TIPRL: variants seen among roughly 807,000 people sequenced by gnomAD.
TIPRL encodes the protein TIP41-like protein.
In TIPRL, 10 loss-of-function variants were observed where a neutral mutation model predicts 32.3. That is an observed-to-expected ratio of 0.31 (90% CI 0.19 to 0.52). The LOEUF (loss-of-function observed/expected upper bound fraction) is 0.52. TIPRL is among the 20% of genes least tolerant of loss of function. The pLI is 0.96. For missense variants in TIPRL, 250 were observed against 328.1 expected (o/e 0.76, Z 1.84); for synonymous variants, 100 against 114.0 (o/e 0.88, Z 0.78).
chr1:168,197,644 C>T (rs1456541816), intron 5 of TIPRL, among the ~76,000 whole-genome samples: 1 of 152,048 alleles, frequency 6.6e-6, no homozygotes, highest in African/African-American at 2.4e-5. Context: ...CTCAGCCTCC[C>T]TAGTAGCTGG....
intron 3 of TIPRL, among the ~76,000 whole-genome samples, chr1:168,187,209 C>T (rs1700038185): frequency 1.3e-5 from 2 of 152,192 alleles, no homozygotes; most frequent in African/African-American, 4.8e-5. Flanking sequence ...GTTCTCCTCC[C>T]TCCTCTCTTC....
At chr1:168,197,560 C>G (rs1383785167) in intron 5 of TIPRL, among the ~76,000 whole-genome samples, 1 of 152,016 alleles carries the variant, frequency 6.6e-6, no homozygotes, top group Non-Finnish European at 1.5e-5. Flanking sequence ...TGCTCTGTTG[C>G]CCAGGCTGGA....
chr1:168,199,051 C>A, intron 6 of TIPRL, 70 bp downstream of exon 6: 1 of 1,229,742 alleles, frequency 8.1e-7, no homozygotes, highest in Non-Finnish European at 1.2e-6. Context: ...AGCATATACC[C>A]CTGACCCCAA....
rs749962048 is a variant in TIPRL, at chr1:168,199,946, A to G, written c.719A>G (p.Gln240Arg). The G allele has an allele frequency of 1.2e-6, 2 of 1,613,570 alleles. No individual in the cohort carries two copies. The highest frequency in any genetic ancestry group is 1.1e-5 in the South Asian group (1 of 91,060). ...SLFTEPNEIS[Q>R]YLPIKEAVCE... The stretch of plus-strand genomic sequence containing the variant: ...TTCACGGAACCTAATGAAATATCCC[A>G]GTATTTACCAATAAAGGAAGCAGTT... The change falls in exon 7 of 7, where the codon CAG (glutamine) becomes CGG (arginine). Residue 240 changes from glutamine (Q) to arginine (R), a missense_variant. Coordinates refer to ENST00000367833, the MANE Select transcript of TIPRL (RefSeq NM_152902.5).
At chr1:168,186,784 G>C (rs1176334553) in intron 3 of TIPRL, among the ~76,000 whole-genome samples, 1 of 152,146 alleles carries the variant, frequency 6.6e-6, no homozygotes, top group Non-Finnish European at 1.5e-5. Context: ...AGTGAGCCAA[G>C]ATCACGCCAC....
intron 5 of TIPRL, 46 bp downstream of exon 5, chr1:168,196,688 T>C (rs775910336): frequency 6.0e-6 from 8 of 1,325,984 alleles, no homozygotes; most frequent in Non-Finnish European, 8.4e-6. Context: ...ACTGGGCTTG[T>C]TTGTGTTGTT....
intron 3 of TIPRL, among the ~76,000 whole-genome samples, chr1:168,190,061 G>C (rs1408880576): frequency 6.6e-6 from 1 of 152,204 alleles, no homozygotes; most frequent in African/African-American, 2.4e-5. Context: ...AAATTTACAA[G>C]TGTGTGTATT....
intron 3 of TIPRL, among the ~76,000 whole-genome samples, chr1:168,187,923 G>T (rs1700047752): frequency 6.6e-6 from 1 of 152,166 alleles, no homozygotes. Context: ...AGTGAGCTGT[G>T]ATTGTGCCAC....
At chr1:168,190,188 A>G (rs1700077253) in intron 3 of TIPRL, among the ~76,000 whole-genome samples, 1 of 152,252 alleles carries the variant, frequency 6.6e-6, no homozygotes, top group African/African-American at 2.4e-5. Context: ...CCCTGCCCCT[A>G]CACTCCAACT....
At chr1:168,184,979 G>A (rs1287170990) in intron 3 of TIPRL, 101 bp downstream of exon 3, 6 of 700,704 alleles carry the variant, frequency 8.6e-6, no homozygotes, top group Middle Eastern at 2.5e-4. Context: ...TATTTTTATC[G>A]TCCTTGTTTT....
At chr1:168,182,292 A>T (rs1184614477) in intron 1 of TIPRL, among the ~76,000 whole-genome samples, 1 of 152,040 alleles carries the variant, frequency 6.6e-6, no homozygotes, top group Admixed American at 6.6e-5. Flanking sequence ...GTAACTAGTT[A>T]TACCTGTTTT....
chr1:168,192,974 T>A (rs1269285186), intron 4 of TIPRL, among the ~76,000 whole-genome samples: 2 of 152,216 alleles, frequency 1.3e-5, no homozygotes, highest in African/African-American at 4.8e-5. Flanking sequence ...GACCCTAACA[T>A]CAAACATTGT....
At chr1:168,184,931 G>A (rs1259659238) in intron 3 of TIPRL, 53 bp downstream of exon 3, 9 of 1,157,282 alleles carry the variant, frequency 7.8e-6, no homozygotes, top group South Asian at 1.4e-5. Context: ...GACAGTCTGA[G>A]CATTAGAACT....
rs1700198803 is a variant in TIPRL at position 168,200,531 on chromosome 1, G to T, written c.*485G>T. 6.6e-6 allele frequency: 1 copy of T among 151,974 alleles called. No individual in the cohort carries two copies. The highest frequency in any genetic ancestry group is 2.1e-4 in the South Asian group (1 of 4,828). 9.4% of individuals were successfully genotyped at this position (151,974 alleles called of 1,614,324 possible). ...TTGCAACTTGCCACATACGAAATTAGTCTCATAGTGTAGTGAACTTCAACC... is the reference window on the plus strand; with the variant it reads ...TTGCAACTTGCCACATACGAAATTATTCTCATAGTGTAGTGAACTTCAACC... On this transcript the variant is annotated 3_prime_UTR_variant, in exon 7 of 7. Coordinates refer to ENST00000367833, the MANE Select transcript of TIPRL (RefSeq NM_152902.5).
chr1:168,181,122 A>T (rs1390906042), intron 1 of TIPRL, among the ~76,000 whole-genome samples: 4 of 151,668 alleles, frequency 2.6e-5, no homozygotes, highest in African/African-American at 9.7e-5. Flanking sequence ...AGCTGAGACT[A>T]CAGGCGCGTG....
chr1:168,187,842 C>T (rs892205281), intron 3 of TIPRL, among the ~76,000 whole-genome samples: 15 of 152,046 alleles, frequency 9.9e-5, no homozygotes, highest in East Asian at 1.9e-4. Flanking sequence ...TCTGGTGGCA[C>T]GTGTCTATAG....
At chr1:168,179,316 A>G in intron 1 of TIPRL, 135 bp downstream of exon 1, 1 of 685,100 alleles carries the variant, frequency 1.5e-6, no homozygotes, top group Non-Finnish European at 2.5e-6. Context: ...CCTTTGATTG[A>G]CAACTTCGAT....
intron 5 of TIPRL, among the ~76,000 whole-genome samples, chr1:168,198,238 TTTATA>T (rs1243107646): frequency 6.6e-6 from 1 of 152,132 alleles, no homozygotes; most frequent in Non-Finnish European, 1.5e-5. Context: ...GATTTATACT[TTTATA>T]TTATTTGATT....
rs147244477 is a variant in TIPRL, at chr1:168,181,195, T to C, written c.104+2014T>C. On this transcript the variant is annotated intron_variant, in intron 1 of 6. Coordinates refer to ENST00000367833, the MANE Select transcript of TIPRL (RefSeq NM_152902.5). The stretch of plus-strand genomic sequence containing the variant: ...TATTTATTTTTAATTTTCTTTTCTT[T>C]TCTTTTTTTCTTATTCTTTCTTTCT... Among the ~76,000 whole-genome samples the C allele has an allele frequency of 3.4e-4, 52 of 151,830 alleles. 1 individual carries two copies. In the East Asian group the frequency reaches 8.9e-3, roughly 26 times the overall value.
Sources: allele counts gnomAD v4.1 joint callset (sites outside exome capture counted in the v4.1 genomes callset), GRCh38; gene constraint gnomAD v4.1.1; transcripts MANE v1.5; gene names NCBI Gene and HGNC (gene_info 2026-07-23, HGNC 2026-07-21).